The following GTF2I variants were observed in gnomAD, a reference collection of about 807,000 sequenced individuals.
GTF2I encodes general transcription factor IIi, also known as general transcription factor II-I.
A neutral mutation model predicts 67.6 loss-of-function variants in GTF2I; 12 were observed. The observed-to-expected ratio is 0.18, with a 90% CI of 0.11 to 0.29. GTF2I has a LOEUF of 0.29. GTF2I is among the 10% of genes least tolerant of loss of function. The pLI, the probability that GTF2I is intolerant of heterozygous loss-of-function variation, is 1.00. For missense variants in GTF2I, 271 were observed against 580.1 expected (o/e 0.47, Z 5.47); for synonymous variants, 149 against 197.0 (o/e 0.76, Z 2.04).
intron 3 of GTF2I, among the ~76,000 whole-genome samples, chr7:74,693,029 T>C (rs1489538504): frequency 1.3e-5 from 2 of 152,150 alleles, no homozygotes; most frequent in African/African-American, 4.8e-5. Context: ...CCCAAAGTGC[T>C]GGGATTACAG....
intron 3 of GTF2I, among the ~76,000 whole-genome samples, chr7:74,692,654 T>C (rs587625220): frequency 6.6e-6 from 1 of 152,372 alleles, no homozygotes; most frequent in South Asian, 2.1e-4. Flanking sequence ...GTAGGTTTTA[T>C]GTTAACTGAT....
chr7:74,724,458 T>C (rs1402010834), intron 12 of GTF2I, among the ~76,000 whole-genome samples: 1 of 152,206 alleles, frequency 6.6e-6, no homozygotes, highest in Non-Finnish European at 1.5e-5. Flanking sequence ...CTCTGAAGCC[T>C]GTATTATCTT....
At chr7:74,701,866 T>G (rs369619318) in intron 6 of GTF2I, among the ~76,000 whole-genome samples, 8 of 152,370 alleles carry the variant, frequency 5.3e-5, no homozygotes, top group African/African-American at 1.7e-4. Flanking sequence ...AATTTTGGGA[T>G]GCTTTCATCG....
intron 12 of GTF2I, among the ~76,000 whole-genome samples, chr7:74,720,819 T>C (rs1437295472): frequency 1.4e-5 from 2 of 147,400 alleles, no homozygotes; most frequent in Non-Finnish European, 3.0e-5. Flanking sequence ...CTCGGCTCAC[T>C]GCAAGCTCTG....
At position 74,689,224 on chromosome 7, in the gene GTF2I, C is replaced by T. The variant is rs781965765; in HGVS notation, c.96C>T (p.Ser32=). 6.4e-7 allele frequency: 1 copy of T among 1,556,132 alleles called. No individual in the cohort carries two copies. Among genetic ancestry groups the T allele is most frequent in the Non-Finnish European group, 8.9e-7 (1 of 1,127,984 alleles). The part of the protein sequence containing the change: ...VVTFLMSALE[S]MCKELAKSKA... ...CATTCCTCATGTCAGCTCTCGAGTCCATGGTGAGGCCTTCTGTTCCATCAT... is the reference window on the plus strand; with the variant it reads ...CATTCCTCATGTCAGCTCTCGAGTCTATGGTGAGGCCTTCTGTTCCATCAT... The change falls in exon 2 of 35, where the codon TCC becomes TCT. Residue 32 remains serine (S), a synonymous_variant. Coordinates refer to ENST00000573035, the MANE Select transcript of GTF2I (RefSeq NM_032999.4).
At chr7:74,732,158 T>C (rs1554406839) in intron 14 of GTF2I, among the ~76,000 whole-genome samples, 20 of 148,378 alleles carry the variant, frequency 1.3e-4, no homozygotes, top group South Asian at 2.1e-4. Context: ...TATATATATA[T>C]ACATAAACAC....
At chr7:74,692,144 G>A (rs192713270) in intron 3 of GTF2I, among the ~76,000 whole-genome samples, 47 of 148,950 alleles carry the variant, frequency 3.2e-4, no homozygotes, top group African/African-American at 1.0e-3. Flanking sequence ...CGCGATCTCC[G>A]CTCACTGCAA....
At chr7:74,708,432 A>G (rs868951891) in intron 8 of GTF2I, among the ~76,000 whole-genome samples, 4 of 152,098 alleles carry the variant, frequency 2.6e-5, no homozygotes, top group Non-Finnish European at 5.9e-5. Context: ...TCAGCTTTCC[A>G]TCTGACTTCT....
intron 8 of GTF2I, among the ~76,000 whole-genome samples, chr7:74,709,915 C>T (rs781842302): frequency 1.3e-5 from 2 of 152,110 alleles, no homozygotes; most frequent in Non-Finnish European, 2.9e-5. Flanking sequence ...TCAGGTGATT[C>T]GCCCGCCTGG....
At chr7:74,721,588 T>C (rs1212658086) in intron 12 of GTF2I, among the ~76,000 whole-genome samples, 1 of 151,914 alleles carries the variant, frequency 6.6e-6, no homozygotes, top group Non-Finnish European at 1.5e-5. Flanking sequence ...AACAATTAAA[T>C]TCCTCATTTT....
chr7:74,674,223 C>T (rs1250344850), intron 1 of GTF2I, among the ~76,000 whole-genome samples: 5 of 151,874 alleles, frequency 3.3e-5, no homozygotes, highest in African/African-American at 1.2e-4. Context: ...GCGTGTACCA[C>T]ACCTGGATAC....
In GTF2I at chr7:74,753,024, T is replaced by C. The variant is rs2523275; in HGVS notation, c.2558-70T>C. 12 of 1,570,674 alleles carry C rather than the reference T, an allele frequency of 7.6e-6. No individual in the cohort carries two copies. The South Asian group carries it at 1.0e-4, about 14-fold the overall frequency. On this transcript the variant is annotated intron_variant, in intron 28 of 34. Transcript: ENST00000573035. Reference sequence around the variant, plus strand: ...GGCCAGTCTGGGCAACATCGTGAGATACCATCTCTTTACCATAAAAAAAAA... The same window carrying C: ...GGCCAGTCTGGGCAACATCGTGAGACACCATCTCTTTACCATAAAAAAAAA...
chr7:74,698,678 G>A (rs1789308848), intron 3 of GTF2I, among the ~76,000 whole-genome samples: 2 of 151,646 alleles, frequency 1.3e-5, no homozygotes, highest in African/African-American at 2.4e-5. Flanking sequence ...TCACAAGGTG[G>A]TGGAATTACA....
intron 1 of GTF2I, among the ~76,000 whole-genome samples, chr7:74,679,572 TCTAATTA>T (rs1363787512): frequency 6.6e-6 from 1 of 152,194 alleles, no homozygotes; most frequent in Non-Finnish European, 1.5e-5. Context: ...GCAATCACTG[TCTAATTA>T]TTTACCTTGT....
chr7:74,692,355 C>A (rs1219334282), intron 3 of GTF2I, among the ~76,000 whole-genome samples: 1 of 152,194 alleles, frequency 6.6e-6, no homozygotes, highest in Non-Finnish European at 1.5e-5. Context: ...CAGGCGTGAG[C>A]CACCACATCC....
intron 1 of GTF2I, among the ~76,000 whole-genome samples, chr7:74,669,492 A>C (rs1469397333): frequency 6.7e-6 from 1 of 149,214 alleles, no homozygotes; most frequent in Non-Finnish European, 1.5e-5. Flanking sequence ...AGGCCTCCCA[A>C]ACTGTTGGGA....
At chr7:74,720,876 T>C (rs1554404469) in intron 12 of GTF2I, among the ~76,000 whole-genome samples, 1 of 150,982 alleles carries the variant, frequency 6.6e-6, no homozygotes, top group Non-Finnish European at 1.5e-5. Context: ...ATTAAAATGG[T>C]TTAGAATGTA....
At chr7:74,711,280 G>A (rs955007540) in intron 9 of GTF2I, among the ~76,000 whole-genome samples, 171 bp downstream of exon 9, 2 of 152,192 alleles carry the variant, frequency 1.3e-5, no homozygotes, top group South Asian at 2.1e-4. Context: ...GGGGCTAAAA[G>A]ATCAACTCAG....
intron 6 of GTF2I, among the ~76,000 whole-genome samples, chr7:74,701,636 T>C (rs1554399916): frequency 6.6e-6 from 1 of 151,914 alleles, no homozygotes; most frequent in African/African-American, 2.4e-5. Flanking sequence ...CCCGGCTAAT[T>C]TTTTGTATTT....
Sources: gnomAD v4.1 joint callset for allele counts (sites outside exome capture counted in the v4.1 genomes callset) on GRCh38, gnomAD v4.1.1 for gene constraint, MANE v1.5 for transcripts, NCBI Gene and HGNC (gene_info 2026-07-23, HGNC 2026-07-21) for gene names.